The following ACER2 variants were observed in gnomAD, a reference collection of about 807,000 sequenced individuals.
ACER2 encodes alkCDase 2.
A neutral mutation model predicts 34.7 loss-of-function variants in ACER2; 26 were observed. The ratio of observed to expected loss-of-function variants is 0.75; its 90% CI spans 0.55 to 1.04. The LOEUF (loss-of-function observed/expected upper bound fraction) is 1.04. Among genes scored for constraint, ACER2 ranks in the 50% least tolerant of loss-of-function variants. The pLI, the probability that ACER2 is intolerant of heterozygous loss-of-function variation, is 0.00. For synonymous variants in ACER2, 138 were observed against 132.1 expected, an observed-to-expected ratio of 1.04 and a Z score of -0.31; for missense variants, 352 against 340.8, an observed-to-expected ratio of 1.03 and a Z score of -0.26.
chr9:19,425,361 A>G (rs1830531335), intron 3 of ACER2, among the ~76,000 whole-genome samples: 1 of 152,238 alleles, frequency 6.6e-6, no homozygotes, highest in South Asian at 2.1e-4. Flanking sequence ...ACACTCATAT[A>G]CTGTATATAT....
chr9:19,435,478 G>A (rs1277067431), intron 4 of ACER2, among the ~76,000 whole-genome samples: 1 of 152,222 alleles, frequency 6.6e-6, no homozygotes, highest in African/African-American at 2.4e-5. Flanking sequence ...TGCACTTCAG[G>A]TGGACTGCAG....
At chr9:19,425,802 T>C (rs918648211) in intron 3 of ACER2, among the ~76,000 whole-genome samples, 3 of 152,226 alleles carry the variant, frequency 2.0e-5, no homozygotes, top group Non-Finnish European at 4.4e-5. Context: ...TGTAGGACAC[T>C]GTTTTGTCAA....
intron 1 of ACER2, among the ~76,000 whole-genome samples, chr9:19,422,993 A>C (rs540153295): frequency 1.3e-5 from 2 of 151,300 alleles, no homozygotes; most frequent in East Asian, 3.9e-4. Context: ...GACTGCACCA[A>C]AGAACTCCAG....
At chr9:19,416,794 A>G (rs1162998945) in intron 1 of ACER2, among the ~76,000 whole-genome samples, 1 of 152,024 alleles carries the variant, frequency 6.6e-6, no homozygotes, top group Non-Finnish European at 1.5e-5. Context: ...CAGCCTCCCA[A>G]AATGCTGGGA....
intron 1 of ACER2, among the ~76,000 whole-genome samples, chr9:19,421,672 G>GAGGT (rs1382025195): frequency 6.6e-6 from 1 of 152,122 alleles, no homozygotes; most frequent in Non-Finnish European, 1.5e-5. Context: ...GAACTAGATA[G>GAGGT]AGGTGATGGT....
chr9:19,441,124 A>G (rs920086605), intron 4 of ACER2, among the ~76,000 whole-genome samples: 17 of 147,194 alleles, frequency 1.2e-4, no homozygotes, highest in Admixed American at 8.3e-4. Context: ...CTCACAGCTC[A>G]CTGCAACCTC....
chr9:19,434,532 A>C (rs1396516091), intron 3 of ACER2, among the ~76,000 whole-genome samples: 1 of 152,256 alleles, frequency 6.6e-6, no homozygotes, highest in East Asian at 1.9e-4. Context: ...GCACCTCAGG[A>C]GGCCGAGGCT....
chr9:19,431,591 G>T (rs988019115), intron 3 of ACER2, among the ~76,000 whole-genome samples: 3 of 152,218 alleles, frequency 2.0e-5, no homozygotes, highest in African/African-American at 4.8e-5. Flanking sequence ...GATGGCTGTG[G>T]GCCCTCACCC....
intron 4 of ACER2, among the ~76,000 whole-genome samples, chr9:19,443,070 G>A (rs532843798): frequency 7.9e-5 from 12 of 151,968 alleles, no homozygotes; most frequent in African/African-American, 2.4e-4. Flanking sequence ...TTGCTCAGTC[G>A]CCCAGGCTGG....
chr9:19,438,516 G>C (rs905894334), intron 4 of ACER2, among the ~76,000 whole-genome samples: 1 of 152,154 alleles, frequency 6.6e-6, no homozygotes, highest in African/African-American at 2.4e-5. Context: ...TCCTCCTCTA[G>C]CCAACTCTGG....
At chr9:19,434,015 A>G (rs1356049671) in intron 3 of ACER2, among the ~76,000 whole-genome samples, 2 of 145,348 alleles carry the variant, frequency 1.4e-5, no homozygotes, top group African/African-American at 5.5e-5. Flanking sequence ...CACTTCTCAG[A>G]CGGGGCGGCT....
At chr9:19,434,178 G>T (rs1001067090) in intron 3 of ACER2, among the ~76,000 whole-genome samples, 1 of 151,254 alleles carries the variant, frequency 6.6e-6, no homozygotes, top group African/African-American at 2.4e-5. Context: ...GATGATGGGC[G>T]GCCGGGCAGA....
intron 3 of ACER2, among the ~76,000 whole-genome samples, chr9:19,426,440 T>A (rs2132482690): frequency 6.7e-6 from 1 of 149,298 alleles, no homozygotes; most frequent in East Asian, 2.0e-4. Flanking sequence ...TCCCCTCCTG[T>A]CTTGAAAGAT....
At chr9:19,435,205 T>A (rs1249118983) in intron 4 of ACER2, 121 bp downstream of exon 4, 1 of 1,283,538 alleles carries the variant, frequency 7.8e-7, no homozygotes, top group African/African-American at 1.5e-5. Flanking sequence ...AGTTAGTTGC[T>A]GACTGTTGGA....
chr9:19,414,845 CAA>C (rs34308694), intron 1 of ACER2, among the ~76,000 whole-genome samples: 14 of 111,846 alleles, frequency 1.3e-4, no homozygotes, highest in Admixed American at 3.0e-4. Context: ...GACTCCGCCT[CAA>C]AAAAAAAAAA....
At chr9:19,442,466 G>T (rs1280541628) in intron 4 of ACER2, among the ~76,000 whole-genome samples, 1 of 152,224 alleles carries the variant, frequency 6.6e-6, no homozygotes, top group Admixed American at 6.5e-5. Context: ...GCTTCTTCTA[G>T]AAGCAGAGAA....
At chr9:19,446,904 A>G (rs1400967145) in intron 5 of ACER2, among the ~76,000 whole-genome samples, 4 of 152,190 alleles carry the variant, frequency 2.6e-5, no homozygotes, top group Non-Finnish European at 5.9e-5. Flanking sequence ...TGGGGACAGA[A>G]GACCAGAGAG....
intron 1 of ACER2, 56 bp from the exon 2 acceptor site, chr9:19,423,805 AT>A (rs1563877064): frequency 7.4e-7 from 1 of 1,358,090 alleles, no homozygotes; most frequent in East Asian, 2.3e-5. Context: ...AGGCCACTTT[AT>A]TTTTTGCCCT....
chr9:19,433,118 G>C (rs1288370741), intron 3 of ACER2, among the ~76,000 whole-genome samples: 1 of 144,362 alleles, frequency 6.9e-6, no homozygotes. Flanking sequence ...GTTTCTCGAA[G>C]TGGAATTCCT....
Sources: gnomAD v4.1 joint callset for allele counts (sites outside exome capture counted in the v4.1 genomes callset) on GRCh38, gnomAD v4.1.1 for gene constraint, MANE v1.5 for transcripts, NCBI Gene and HGNC (gene_info 2026-07-23, HGNC 2026-07-21) for gene names.